Variants in CHIT1 observed in about 807,000 individuals in gnomAD.
CHIT1 encodes chitotriosidase-1.
CHIT1 carries 47 observed loss-of-function variants against 52.0 expected under a neutral mutation model. The observed-to-expected ratio is 0.90, with a 90% confidence interval of 0.71 to 1.15. The LOEUF (loss-of-function observed/expected upper bound fraction) is 1.15. Among genes scored for constraint, CHIT1 ranks in the 50% most tolerant of loss-of-function variants. The pLI is 0.00. For missense variants in CHIT1, 569 were observed against 583.0 expected (o/e 0.98, Z 0.25); for synonymous variants, 242 against 228.2 (o/e 1.06, Z -0.54).
At chr1:203,225,966 C>A in intron 2 of CHIT1, 96 bp from the exon 3 acceptor site, 2 of 1,297,500 alleles carry the variant, frequency 1.5e-6, no homozygotes, top group African/African-American at 1.5e-5. Flanking sequence ...CTTGGACCTC[C>A]CTCTTCTACA....
At chr1:203,223,704 C>G (rs754155372) in intron 4 of CHIT1, 44 bp from the exon 5 acceptor site, 24 of 1,596,384 alleles carry the variant, frequency 1.5e-5, no homozygotes, top group Non-Finnish European at 2.0e-5. Flanking sequence ...TTGGACCAGA[C>G]AGGAGGCCAC....
rs143518872 is a variant in CHIT1 at position 203,219,814 on chromosome 1, G to T, written c.765C>A (p.Thr255=). The change falls in exon 8 of 11, where the codon ACC becomes ACA. Residue 255 remains threonine, a synonymous_variant. Transcript: ENST00000367229. The part of the protein sequence containing the change: ...AAVQQWLQKG[T]PASKLILGMP... ...TGCCAAGGATCAGCTTGCTGGCAGG[G>T]GTCCCCTTCTGCAGCCACTGTTGCA... 4.1e-4 allele frequency: 665 copies of T among 1,612,490 alleles called. No individual in the cohort carries two copies. The highest frequency in any genetic ancestry group is 2.5e-3 in the Middle Eastern group (12 of 4,840).
chr1:203,216,510 A>G lies in CHIT1; in HGVS notation c.*379T>C, dbSNP rs557285586. ...GCGCTCTGGCTGCCATCACCTGTGTACTGGAAACTGCCCACTGGCATATGG... is the reference window on the plus strand; with the variant it reads ...GCGCTCTGGCTGCCATCACCTGTGTGCTGGAAACTGCCCACTGGCATATGG... On this transcript the variant is annotated 3_prime_UTR_variant, in exon 11 of 11. Coordinates refer to ENST00000367229, the MANE Select transcript of CHIT1 (RefSeq NM_003465.3). 1 of 460,238 alleles carries G rather than the reference A, an allele frequency of 2.2e-6. No homozygotes were observed. Among genetic ancestry groups the G allele is most frequent in the South Asian group, 1.5e-5 (1 of 64,530 alleles). 28.5% of individuals were successfully genotyped at this position (460,238 alleles called of 1,614,324 possible). A position where few individuals can be genotyped will look rare whatever the true frequency, so the allele number is the denominator to read the frequency against.
chr1:203,216,745 C>T lies in CHIT1; in HGVS notation c.*144G>A. 1 of 1,115,164 alleles carries T rather than the reference C, an allele frequency of 9.0e-7. No individual in the cohort carries two copies. The highest frequency in any genetic ancestry group is 1.3e-6 in the Non-Finnish European group (1 of 745,178). The allele number at this position is 1,115,164 out of a possible 1,614,324, so 69.1% of individuals were successfully genotyped here. ...AGACCCAGAAAAAAGGAAGGCAAGG[C>T]TGAGAGCAGAAAGCCTGGATAAAGG... On this transcript the variant is annotated 3_prime_UTR_variant, in exon 11 of 11. Coordinates refer to ENST00000367229, the MANE Select transcript of CHIT1 (RefSeq NM_003465.3).
chr1:203,225,967 C>T, intron 2 of CHIT1, 97 bp from the exon 3 acceptor site: 1 of 1,286,092 alleles, frequency 7.8e-7, no homozygotes. Flanking sequence ...TTGGACCTCC[C>T]TCTTCTACAC....
Position 203,225,280 on chromosome 1 carries a change from C to T in CHIT1, c.258-176G>A, listed in dbSNP as rs116549142. 4.3e-3 allele frequency among the ~76,000 whole-genome samples: 648 copies of T among 152,148 alleles called. 7 individuals carry two copies. Among genetic ancestry groups the T allele is most frequent in the African/African-American group, 0.015 (628 of 41,506 alleles). ...AGATTGGAAAAGGGAAGTCACGTTCCTGACTCACAGAACCACCTGTCTAAC... is the reference window on the plus strand; with the variant it reads ...AGATTGGAAAAGGGAAGTCACGTTCTTGACTCACAGAACCACCTGTCTAAC... On this transcript the variant is annotated intron_variant, in intron 3 of 10. Coordinates refer to ENST00000367229, the MANE Select transcript of CHIT1 (RefSeq NM_003465.3).
chr1:203,223,683 A>G, intron 4 of CHIT1, 23 bp from the exon 5 acceptor site: 1 of 1,613,978 alleles, frequency 6.2e-7, no homozygotes, highest in East Asian at 2.2e-5. Context: ...GAAGGGGAGT[A>G]AGGGCCGGCC....
intron 1 of CHIT1, among the ~76,000 whole-genome samples, chr1:203,229,353 G>C (rs1657049097): frequency 6.6e-6 from 1 of 152,190 alleles, no homozygotes; most frequent in Non-Finnish European, 1.5e-5. Flanking sequence ...AGAGAGGAAA[G>C]TCAAGTCATC....
intron 2 of CHIT1, among the ~76,000 whole-genome samples, chr1:203,228,093 C>T (rs764666517): frequency 6.6e-6 from 1 of 152,194 alleles, no homozygotes; most frequent in Non-Finnish European, 1.5e-5. Flanking sequence ...GTGTGTTGTC[C>T]TCGCAGAGCT....
chr1:203,225,308 T>C (rs1172739014), intron 3 of CHIT1, among the ~76,000 whole-genome samples: 1 of 151,980 alleles, frequency 6.6e-6, no homozygotes, highest in Non-Finnish European at 1.5e-5. Context: ...TGTCTAACTG[T>C]GTGGGCTCAG....
chr1:203,219,513 A>G lies in CHIT1; in HGVS notation c.915+151T>C, dbSNP rs1002019593. 5.6e-6 allele frequency: 6 copies of G among 1,068,578 alleles called. No homozygotes were observed. In the African/African-American group the frequency reaches 7.8e-5, roughly 14 times the overall value. 66.2% of individuals were successfully genotyped at this position (1,068,578 alleles called of 1,614,324 possible). On this transcript the variant is annotated intron_variant, in intron 8 of 10. Coordinates refer to ENST00000367229, the MANE Select transcript of CHIT1 (RefSeq NM_003465.3). ...TTGAGGCACCTGGGCTTAAGGATAA[A>G]TTCAAGATGGCATGGATGAGATGGA... is the stretch of plus-strand genomic sequence containing the variant.
At chr1:203,227,756 G>A (rs1558164007) in intron 2 of CHIT1, among the ~76,000 whole-genome samples, 1 of 152,188 alleles carries the variant, frequency 6.6e-6, no homozygotes, top group East Asian at 1.9e-4. Context: ...GAAGTAGCCT[G>A]GACTAAAGCT....
intron 9 of CHIT1, among the ~76,000 whole-genome samples, chr1:203,218,437 C>T (rs989330957): frequency 1.3e-5 from 2 of 152,140 alleles, no homozygotes; most frequent in African/African-American, 4.8e-5. Context: ...GTGCTTGATC[C>T]CTTGCTGGCC....
intron 1 of CHIT1, 117 bp downstream of exon 1, chr1:203,229,495 T>C: frequency 2.5e-6 from 3 of 1,195,044 alleles, no homozygotes; most frequent in Non-Finnish European, 3.7e-6. Flanking sequence ...AAAATGACCC[T>C]CTGAAGTTCT....
At position 203,216,113 on chromosome 1, in the gene CHIT1, G is replaced by A. The variant is rs147237777; in HGVS notation, c.*776C>T. Reference sequence around the variant, plus strand: ...GATGACTTTATTTAACCAGGACACCGTGTGCATGCTCTCTGGCCCATTTCA... The same window carrying A: ...GATGACTTTATTTAACCAGGACACCATGTGCATGCTCTCTGGCCCATTTCA... On this transcript the variant is annotated 3_prime_UTR_variant, in exon 11 of 11. Coordinates refer to ENST00000367229, the MANE Select transcript of CHIT1 (RefSeq NM_003465.3). The A allele has an allele frequency of 5.7e-4, 260 of 454,098 alleles. 1 individual carries two copies. The highest frequency in any genetic ancestry group is 4.4e-3 in the African/African-American group (220 of 50,118). 28.1% of individuals were successfully genotyped at this position (454,098 alleles called of 1,614,324 possible).
rs967662577 is a variant in CHIT1 at position 203,225,446 on chromosome 1, G to T, written c.257+223C>A. Among the ~76,000 whole-genome samples, 3 of 152,122 alleles carry T rather than the reference G, an allele frequency of 2.0e-5. No individual in the cohort carries two copies. The South Asian group carries it at 6.2e-4, about 32-fold the overall frequency. On this transcript the variant is annotated intron_variant, in intron 3 of 10. Transcript: ENST00000367229. ...GAGACAGAAAGAGTCTCACAATCCTGATCACACTTAGACCTAAACTGGAAG... is the reference window on the plus strand; with the variant it reads ...GAGACAGAAAGAGTCTCACAATCCTTATCACACTTAGACCTAAACTGGAAG...
chr1:203,228,822 T>C (rs1205266338), intron 1 of CHIT1, among the ~76,000 whole-genome samples: 3 of 152,104 alleles, frequency 2.0e-5, no homozygotes, highest in Non-Finnish European at 4.4e-5. Flanking sequence ...TCTCTATACC[T>C]CAGTAAAGGG....
At chr1:203,228,400 A>C in intron 2 of CHIT1, 133 bp downstream of exon 2, 1 of 959,520 alleles carries the variant, frequency 1.0e-6, no homozygotes, top group South Asian at 1.4e-5. Flanking sequence ...GGACATTTGC[A>C]GGGGTCTGAG....
In CHIT1 at chr1:203,225,683, A is replaced by G; in HGVS notation, c.243T>C (p.Asn81=). 3.2e-6 allele frequency: 5 copies of G among 1,575,572 alleles called. No homozygotes were observed. The highest frequency in any genetic ancestry group is 4.3e-6 in the Non-Finnish European group (5 of 1,157,998). Residue 81 remains asparagine (N), a synonymous_variant, in exon 3 of 11, where the codon AAT becomes AAC. Transcript: ENST00000367229. ...CTTTGGCTCACATCTTCTTCAGGCC[A>G]TTGAACTCCTGGTAGAGAGTCTCGT... is the stretch of plus-strand genomic sequence containing the variant. ...WNDETLYQEF[N]GLKKMNPKLK...
Sources: gnomAD v4.1 joint callset for allele counts (sites outside exome capture counted in the v4.1 genomes callset) on GRCh38, gnomAD v4.1.1 for gene constraint, MANE v1.5 for transcripts, NCBI Gene and HGNC (gene_info 2026-07-23, HGNC 2026-07-21) for gene names.